DNAJC1: variants seen among roughly 807,000 people sequenced by gnomAD.
The protein encoded by DNAJC1 is dnaJ homolog subfamily C member 1.
A neutral mutation model predicts 76.6 loss-of-function variants in DNAJC1; 58 were observed. The ratio of observed to expected loss-of-function variants is 0.76; its 90% CI spans 0.61 to 0.94. The LOEUF (loss-of-function observed/expected upper bound fraction) is 0.94. Ranked by LOEUF, DNAJC1 falls within the 40% of genes least tolerant of loss-of-function variation. DNAJC1 has a pLI of 0.00. For synonymous variants in DNAJC1, 258 were observed against 267.9 expected (o/e 0.96, Z 0.36); for missense variants, 689 against 677.3 (o/e 1.02, Z -0.19).
At chr10:21,778,200 GA>G (rs988855997) in intron 9 of DNAJC1, among the ~76,000 whole-genome samples, 2 of 150,118 alleles carry the variant, frequency 1.3e-5, no homozygotes, top group South Asian at 2.1e-4. Flanking sequence ...TCTCAAAAAA[GA>G]AAAAAAAATG....
rs548203069 is a variant in DNAJC1, at chr10:21,815,931, A to T, written c.979-9832T>A. ...GCTAATTTTTGTATTTTTAGTAGAG[A>T]TGGGGTTTCACCATGTTGGCCAGGC... On this transcript the variant is annotated intron_variant, in intron 8 of 11. Coordinates refer to ENST00000376980, the MANE Select transcript of DNAJC1 (RefSeq NM_022365.4). 2.0e-5 allele frequency among the ~76,000 whole-genome samples: 3 copies of T among 151,526 alleles called. No homozygotes were observed. In the East Asian group the frequency reaches 5.9e-4, roughly 30 times the overall value.
At chr10:21,862,367 AC>A (rs1835929641) in intron 8 of DNAJC1, among the ~76,000 whole-genome samples, 1 of 151,850 alleles carries the variant, frequency 6.6e-6, no homozygotes, top group African/African-American at 2.4e-5. Context: ...AAGACTAAAA[AC>A]CATATGCAAA....
chr10:21,825,636 C>T (rs1378672484), intron 8 of DNAJC1, among the ~76,000 whole-genome samples: 1 of 152,252 alleles, frequency 6.6e-6, no homozygotes, highest in African/African-American at 2.4e-5. Context: ...AGACATTTTA[C>T]ATTCTCACTA....
At chr10:21,801,697 C>G (rs1051276354) in intron 9 of DNAJC1, among the ~76,000 whole-genome samples, 2 of 152,106 alleles carry the variant, frequency 1.3e-5, no homozygotes, top group African/African-American at 4.8e-5. Context: ...TGAATGTTCA[C>G]AGCAGCACTA....
chr10:21,936,891 G>C (rs1184826327), intron 1 of DNAJC1, among the ~76,000 whole-genome samples: 2 of 151,996 alleles, frequency 1.3e-5, no homozygotes, highest in African/African-American at 4.8e-5. Flanking sequence ...ATAATATACA[G>C]AAAACAAATA....
chr10:21,823,880 G>A (rs1254309964), intron 8 of DNAJC1, among the ~76,000 whole-genome samples: 1 of 152,044 alleles, frequency 6.6e-6, no homozygotes, highest in African/African-American at 2.4e-5. Context: ...AACTATATCA[G>A]TCTATATAGT....
intron 1 of DNAJC1, among the ~76,000 whole-genome samples, chr10:21,946,049 C>CTTTTTTTTTTTTTTTTTTTTTTTTTT (rs71510915): frequency 1.1e-5 from 1 of 93,306 alleles, no homozygotes; most frequent in Non-Finnish European, 1.9e-5. Flanking sequence ...TTCTTTTCCT[C>CTTTTTTTTTTTTTTTTTTTTTTTTTT]TTTTTTTTTT....
chr10:21,920,622 T>C (rs1238194871), intron 4 of DNAJC1, 176 bp downstream of exon 4: 2 of 524,278 alleles, frequency 3.8e-6, no homozygotes, highest in African/African-American at 3.9e-5. Context: ...AGAAGAATAT[T>C]TTCTTATTTC....
At chr10:21,912,987 CT>C (rs201161273) in intron 6 of DNAJC1, among the ~76,000 whole-genome samples, 1,190 of 134,366 alleles carry the variant, frequency 8.9e-3, no homozygotes, top group Middle Eastern at 0.022. Flanking sequence ...TCTTAGGCAA[CT>C]TTTTTTTTTT....
At chr10:21,905,911 C>T (rs1264490573) in intron 6 of DNAJC1, among the ~76,000 whole-genome samples, 1 of 152,060 alleles carries the variant, frequency 6.6e-6, no homozygotes, top group Non-Finnish European at 1.5e-5. Flanking sequence ...TCTGAGAGAG[C>T]TTTATTTCTG....
intron 1 of DNAJC1, among the ~76,000 whole-genome samples, chr10:21,984,041 G>A (rs998553040): frequency 3.9e-5 from 6 of 152,134 alleles, no homozygotes; most frequent in African/African-American, 1.4e-4. Flanking sequence ...AGTATGAGCA[G>A]TTACTGAGGC....
intron 1 of DNAJC1, among the ~76,000 whole-genome samples, chr10:21,951,977 C>G (rs1427556878): frequency 1.3e-5 from 2 of 152,130 alleles, no homozygotes; most frequent in Non-Finnish European, 2.9e-5. Context: ...TTCTGGGAGA[C>G]TGTTACTACT....
Position 21,806,010 on chromosome 10 carries a change from A to T in DNAJC1, c.1068T>A (p.Ile356=), listed in dbSNP as rs768109798. ...PGGTPGRWEK[I]AHELGRSVTD... Reference sequence around the variant, plus strand: ...TCACAGATCGACCCAATTCGTGGGCAATCTTTTCCCATCGACCTGGAGTCC... The same window carrying T: ...TCACAGATCGACCCAATTCGTGGGCTATCTTTTCCCATCGACCTGGAGTCC... Residue 356 remains isoleucine (I), a synonymous_variant, in exon 9 of 12, where the codon ATT becomes ATA. Coordinates refer to ENST00000376980, the MANE Select transcript of DNAJC1 (RefSeq NM_022365.4). 3 of 1,611,636 alleles carry T rather than the reference A, an allele frequency of 1.9e-6. No individual in the cohort carries two copies. The highest frequency in any genetic ancestry group is 2.5e-6 in the Non-Finnish European group (3 of 1,179,602).
chr10:21,770,114 A>G (rs929987575), intron 9 of DNAJC1, among the ~76,000 whole-genome samples: 2 of 152,092 alleles, frequency 1.3e-5, no homozygotes, highest in African/African-American at 4.8e-5. Flanking sequence ...CTCCTTCCCC[A>G]ACGAGTTGCT....
intron 3 of DNAJC1, among the ~76,000 whole-genome samples, chr10:21,928,196 A>G (rs992176878): frequency 6.6e-6 from 1 of 152,202 alleles, no homozygotes; most frequent in Non-Finnish European, 1.5e-5. Context: ...ATGGACATTT[A>G]TTTGAATTCA....
Position 21,935,474 on chromosome 10 carries a change from T to TA in DNAJC1, c.223-6334dup, listed in dbSNP as rs1324264524. Among the ~76,000 whole-genome samples, 7 of 152,004 alleles carry TA rather than the reference T, an allele frequency of 4.6e-5. No homozygotes were observed. In the East Asian group the frequency reaches 1.4e-3, roughly 29 times the overall value. On this transcript the variant is annotated intron_variant, in intron 1 of 11. Transcript: ENST00000376980. ...AAAAATGAATAAAATGAACAAAGCC[T>TA]AAGAGACCTGTGGAACACTATTAAA... is the stretch of plus-strand genomic sequence containing the variant.
chr10:21,905,949 C>T (rs1276436356), intron 6 of DNAJC1, among the ~76,000 whole-genome samples: 1 of 152,082 alleles, frequency 6.6e-6, no homozygotes, highest in Non-Finnish European at 1.5e-5. Flanking sequence ...AAATCTTTGA[C>T]ACTACTTTGA....
chr10:21,979,867 C>A (rs113160937), intron 1 of DNAJC1, among the ~76,000 whole-genome samples: 196 of 152,076 alleles, frequency 1.3e-3, no homozygotes, highest in Non-Finnish European at 1.6e-3. Flanking sequence ...ATAATCAAAG[C>A]TTTCTGCTCC....
At chr10:21,999,259 C>T (rs762817670) in intron 1 of DNAJC1, among the ~76,000 whole-genome samples, 5 of 152,178 alleles carry the variant, frequency 3.3e-5, no homozygotes, top group African/African-American at 4.8e-5. Flanking sequence ...GACCGCCATA[C>T]GGTTAATTCC....
Sources: allele counts gnomAD v4.1 joint callset (sites outside exome capture counted in the v4.1 genomes callset), GRCh38; gene constraint gnomAD v4.1.1; transcripts MANE v1.5; gene names NCBI Gene and HGNC (gene_info 2026-07-23, HGNC 2026-07-21).